SMS: variants seen among roughly 807,000 people sequenced by gnomAD.
SMS encodes the protein spermine synthase.
In SMS, 3 loss-of-function variants were observed where a neutral mutation model predicts 33.0. The ratio of observed to expected loss-of-function variants is 0.09; its 90% CI spans 0.04 to 0.23. The LOEUF is 0.23. SMS is among the 10% of genes least tolerant of loss of function. SMS has a pLI of 1.00. For synonymous variants in SMS, 103 were observed against 112.2 expected, an observed-to-expected ratio of 0.92 and a Z score of 0.52; for missense variants, 117 against 288.6, an observed-to-expected ratio of 0.41 and a Z score of 4.31.
At position 21,992,773 on chromosome X, in the gene SMS, A is replaced by G. The variant is rs1256201095; in HGVS notation, c.1061+61A>G. On this transcript the variant is annotated intron_variant, in intron 10 of 10. Transcript: ENST00000404933. The stretch of plus-strand genomic sequence containing the variant: ...AAGCACCCAAGTAAATCATATGCCA[A>G]TGAAAAAATTTAAATCACAATAATA... 16 of 664,357 alleles carry G rather than the reference A, an allele frequency of 2.4e-5. No individual in the cohort carries two copies. The South Asian group carries it at 3.4e-4, about 14-fold the overall frequency. The allele number at this position is 664,357 out of a possible 1,213,427, so 54.8% of individuals were successfully genotyped here. A position where few individuals can be genotyped will look rare whatever the true frequency, so the allele number is the denominator to read the frequency against.
chrX:21,988,497 C>T (rs1161603507), intron 9 of SMS, among the ~76,000 whole-genome samples: 1 of 108,501 alleles, frequency 9.2e-6, no homozygotes, highest in Non-Finnish European at 1.9e-5. Context: ...AACCCCGTCT[C>T]TACTAAAAAT....
intron 7 of SMS, among the ~76,000 whole-genome samples, chrX:21,983,458 A>T (rs1376463633): frequency 9.0e-6 from 1 of 110,563 alleles, no homozygotes; most frequent in African/African-American, 3.3e-5. Flanking sequence ...TTAGTTCAGG[A>T]TGTTGCTTAG....
chrX:21,944,031 T>G (rs41388452), intron 1 of SMS, among the ~76,000 whole-genome samples: 1,424 of 111,407 alleles, frequency 0.013, 28 homozygotes, highest in African/African-American at 0.044. Context: ...CATGATGTGA[T>G]TTTAGTGGAA....
At chrX:21,945,936 A>C (rs748182766) in intron 1 of SMS, among the ~76,000 whole-genome samples, 2 of 111,211 alleles carry the variant, frequency 1.8e-5, no homozygotes, top group South Asian at 7.7e-4. Context: ...GTGCTTCTTT[A>C]TTAACACATC....
intron 7 of SMS, among the ~76,000 whole-genome samples, chrX:21,982,765 T>A (rs1423912336): frequency 8.9e-6 from 1 of 112,548 alleles, no homozygotes. Context: ...AGAACATACA[T>A]TTGTGTTTGT....
At chrX:21,947,083 CA>C (rs1922289513) in intron 1 of SMS, among the ~76,000 whole-genome samples, 1 of 112,062 alleles carries the variant, frequency 8.9e-6, no homozygotes, top group African/African-American at 3.2e-5. Flanking sequence ...CTGGTGGAAG[CA>C]TGTCTTCTTT....
intron 1 of SMS, among the ~76,000 whole-genome samples, chrX:21,966,383 G>GA (rs1179343149): frequency 8.9e-6 from 1 of 112,202 alleles, no homozygotes; most frequent in Non-Finnish European, 1.9e-5. Flanking sequence ...AACTAGAGAA[G>GA]AAAAAATTGC....
At chrX:21,960,749 A>C (rs1162252134) in intron 1 of SMS, among the ~76,000 whole-genome samples, 2 of 111,611 alleles carry the variant, frequency 1.8e-5, no homozygotes, top group Non-Finnish European at 3.8e-5. Context: ...GCTCTGCCTG[A>C]GGGGAGGGGT....
chrX:21,956,211 G>T (rs1265348696), intron 1 of SMS, among the ~76,000 whole-genome samples: 1 of 112,265 alleles, frequency 8.9e-6, no homozygotes, highest in Non-Finnish European at 1.9e-5. Context: ...TTGGTGTTGT[G>T]TTTTTCTTCT....
rs1400401957 is a variant in SMS at position 21,994,639 on chromosome X, TG to T, written c.*289del. 2 of 867,041 alleles carry T rather than the reference TG, an allele frequency of 2.3e-6. No individual in the cohort carries two copies. The highest frequency in any genetic ancestry group is 4.3e-5 in the African/African-American group (2 of 46,472). 71.5% of individuals were successfully genotyped at this position (867,041 alleles called of 1,213,427 possible). ...TGATTTTTGTTCCTTTTTATTTCTC[TG>T]TGGGCTTTTGTTTTTGTTTTTGTTT... On this transcript the variant is annotated 3_prime_UTR_variant, in exon 11 of 11. Transcript: ENST00000404933.
chrX:21,990,291 C>T (rs1041948052), intron 9 of SMS, among the ~76,000 whole-genome samples: 1 of 112,209 alleles, frequency 8.9e-6, no homozygotes, highest in Non-Finnish European at 1.9e-5. Context: ...CACAGCAAGA[C>T]CCTGTCTCTG....
chrX:21,961,917 A>G (rs191741493), intron 1 of SMS, among the ~76,000 whole-genome samples: 56 of 112,558 alleles, frequency 5.0e-4, no homozygotes, highest in African/African-American at 1.5e-3. Flanking sequence ...TTGGATGACT[A>G]TGTCTCCTTC....
intron 2 of SMS, among the ~76,000 whole-genome samples, chrX:21,969,640 T>C (rs148040167): frequency 3.5e-3 from 389 of 112,302 alleles, no homozygotes; most frequent in African/African-American, 0.011. Flanking sequence ...TGCTGGGCCC[T>C]GCCTACCTCT....
chrX:21,966,091 A>G (rs145195407), intron 1 of SMS, among the ~76,000 whole-genome samples: 1,131 of 112,564 alleles, frequency 0.01, 16 homozygotes, highest in African/African-American at 0.034. Flanking sequence ...CTCTTTATGC[A>G]TAGTGAAAAA....
chrX:21,980,042 A>T (rs1924811989), intron 7 of SMS, among the ~76,000 whole-genome samples: 1 of 110,679 alleles, frequency 9.0e-6, no homozygotes, highest in Non-Finnish European at 1.9e-5. Flanking sequence ...GCTTTTACAT[A>T]TGTACAAAAT....
chrX:21,940,965 G>A (rs1198905105), intron 1 of SMS, 92 bp downstream of exon 1: 4 of 424,991 alleles, frequency 9.4e-6, no homozygotes, highest in Non-Finnish European at 1.2e-5. Flanking sequence ...GTGCGCCGCG[G>A]GCCGAACAAT....
intron 10 of SMS, among the ~76,000 whole-genome samples, chrX:21,993,566 C>T (rs192934641): frequency 5.5e-4 from 62 of 112,129 alleles, no homozygotes; most frequent in African/African-American, 2.0e-3. Flanking sequence ...TCCCATCAGG[C>T]TGGGGCAGAG....
intron 1 of SMS, among the ~76,000 whole-genome samples, chrX:21,965,582 T>TAAAAAA (rs1326643090): frequency 2.7e-4 from 1 of 3,754 alleles, no homozygotes; most frequent in African/African-American, 4.7e-3. Context: ...CTACTACAAA[T>TAAAAAA]ACAAAAAAAA....
intron 1 of SMS, among the ~76,000 whole-genome samples, chrX:21,944,544 A>AAAAACAAAAAAAAAAAAAAAGAAAAG (rs1555992699): frequency 1.0e-5 from 1 of 99,047 alleles, no homozygotes; most frequent in African/African-American, 3.8e-5. Context: ...AAAAAAAAAA[A>AAAAACAAAAAAAAAAAAAAAGAAAAG]AGAAAAAAAA....
Sources: allele counts gnomAD v4.1 joint callset (sites outside exome capture counted in the v4.1 genomes callset), GRCh38; gene constraint gnomAD v4.1.1; transcripts MANE v1.5; gene names NCBI Gene and HGNC (gene_info 2026-07-23, HGNC 2026-07-21).